The following CRISPLD2 variants were observed in gnomAD, a reference collection of about 807,000 sequenced individuals.
CRISPLD2 encodes cysteine rich secretory protein LCCL domain containing 2, also known as cysteine-rich secretory protein LCCL domain-containing 2.
CRISPLD2 carries 47 observed loss-of-function variants against 71.1 expected under a neutral mutation model. The observed-to-expected ratio is 0.66, with a 90% CI of 0.52 to 0.84. CRISPLD2 has a LOEUF of 0.84. Ranked by LOEUF, CRISPLD2 falls within the 40% of genes least tolerant of loss-of-function variation. The pLI is 0.00. For missense variants in CRISPLD2, 830 were observed against 651.1 expected (o/e 1.27, Z -2.99); for synonymous variants, 317 against 250.1 (o/e 1.27, Z -2.52).
intron 11 of CRISPLD2, among the ~76,000 whole-genome samples, chr16:84,875,459 G>C (rs1272254818): frequency 7.8e-6 from 1 of 129,006 alleles, no homozygotes; most frequent in Non-Finnish European, 1.6e-5. Context: ...GCTATCATTA[G>C]TGTTAGTATA....
chr16:84,873,009 C>T lies in CRISPLD2; in HGVS notation c.999C>T (p.Arg333=), dbSNP rs376122777. ...LFYESSSSIC[R]AAIHYGILDD... ...CCCGCCAGTCGTCTAGCATATGCCGCGCCGCCATCCACTACGGGATCCTGG... is the reference window on the plus strand; with the variant it reads ...CCCGCCAGTCGTCTAGCATATGCCGTGCCGCCATCCACTACGGGATCCTGG... Residue 333 remains arginine, a synonymous_variant, in exon 10 of 15, where the codon CGC becomes CGT. Transcript: ENST00000262424. The T allele has an allele frequency of 9.3e-6, 15 of 1,613,190 alleles. No homozygotes were observed. The highest frequency in any genetic ancestry group is 2.2e-5 in the South Asian group (2 of 90,934).
chr16:84,865,478 A>T (rs1161594619), intron 6 of CRISPLD2, among the ~76,000 whole-genome samples: 2 of 152,224 alleles, frequency 1.3e-5, no homozygotes, highest in African/African-American at 4.8e-5. Flanking sequence ...TTTTAATCCA[A>T]AACCACAAAG....
chr16:84,856,571 T>G (rs989598083), intron 6 of CRISPLD2, among the ~76,000 whole-genome samples: 1 of 151,888 alleles, frequency 6.6e-6, no homozygotes, highest in Non-Finnish European at 1.5e-5. Context: ...TGAGGGTGAG[T>G]GATGCCATTT....
intron 10 of CRISPLD2, chr16:84,873,325 A>G: frequency 6.8e-6 from 3 of 441,428 alleles, no homozygotes; most frequent in South Asian, 2.8e-5. Context: ...TAAAAATACA[A>G]AAGTTAGCCA....
chr16:84,869,920 G>C (rs933270504), intron 8 of CRISPLD2, among the ~76,000 whole-genome samples: 1 of 151,896 alleles, frequency 6.6e-6, no homozygotes, highest in Non-Finnish European at 1.5e-5. Flanking sequence ...CATCGAGGCA[G>C]TTCCAGAGTT....
chr16:84,869,979 A>G (rs1009853131), intron 8 of CRISPLD2, among the ~76,000 whole-genome samples: 35 of 152,228 alleles, frequency 2.3e-4, no homozygotes. Flanking sequence ...GAATCTGTCC[A>G]CACAAAGGCT....
In CRISPLD2 at chr16:84,907,740, T is replaced by G. The variant is rs929982160; in HGVS notation, c.*1098T>G. 6.6e-6 allele frequency: 1 copy of G among 152,232 alleles called. No homozygotes were observed. Among genetic ancestry groups the G allele is most frequent in the African/African-American group, 2.4e-5 (1 of 41,440 alleles). The allele number at this position is 152,232 out of a possible 1,614,324, so 9.4% of individuals were successfully genotyped here. ...TTCCTCACCGAGGTTAGCAGCTCAG[T>G]TTGTGGTTATGAAACCGTCTGTGGC... is the stretch of plus-strand genomic sequence containing the variant. On this transcript the variant is annotated 3_prime_UTR_variant, in exon 15 of 15. Transcript: ENST00000262424.
intron 14 of CRISPLD2, among the ~76,000 whole-genome samples, chr16:84,901,468 C>CTTTT (rs564314509): frequency 8.4e-6 from 1 of 119,076 alleles, no homozygotes; most frequent in African/African-American, 3.2e-5. Flanking sequence ...CCTGGCTGCA[C>CTTTT]TTTTTTTTTT....
At chr16:84,826,171 G>A (rs1041796951) in intron 1 of CRISPLD2, among the ~76,000 whole-genome samples, 15 of 152,204 alleles carry the variant, frequency 9.9e-5, no homozygotes, top group African/African-American at 3.1e-4. Context: ...TGGGGTCAGC[G>A]TGGAGCTGTG....
rs201126463 is a variant in CRISPLD2, at chr16:84,849,538, G to A, written c.492+21G>A. ...CACAGGTAACTCGGGGACTTGCCAC[G>A]ACCTCAGCCCTGCCCCCCAATCCCA... On this transcript the variant is annotated intron_variant, in intron 4 of 14. Coordinates refer to ENST00000262424, the MANE Select transcript of CRISPLD2 (RefSeq NM_031476.4). The A allele has an allele frequency of 3.7e-4, 592 of 1,611,472 alleles. No individual in the cohort carries two copies. The Middle Eastern group carries it at 5.4e-3, about 15-fold the overall frequency.
intron 14 of CRISPLD2, among the ~76,000 whole-genome samples, chr16:84,897,829 C>G (rs1217199754): frequency 1.3e-5 from 2 of 152,226 alleles, no homozygotes; most frequent in Non-Finnish European, 2.9e-5. Flanking sequence ...GTTGGCCAGG[C>G]TGGTCTCGAA....
At chr16:84,855,507 C>G (rs1463082923) in intron 6 of CRISPLD2, among the ~76,000 whole-genome samples, 1 of 152,056 alleles carries the variant, frequency 6.6e-6, no homozygotes, top group Non-Finnish European at 1.5e-5. Flanking sequence ...ATTTTTCTGC[C>G]TGCTTTATAT....
At chr16:84,853,120 C>T (rs1159262711) in intron 5 of CRISPLD2, among the ~76,000 whole-genome samples, 2 of 152,148 alleles carry the variant, frequency 1.3e-5, no homozygotes, top group East Asian at 1.9e-4. Flanking sequence ...CAGCCTTCCA[C>T]CAATGCCAAC....
In CRISPLD2 at chr16:84,906,958, A is replaced by G. The variant is rs558083691; in HGVS notation, c.*316A>G. 5 of 403,214 alleles carry G rather than the reference A, an allele frequency of 1.2e-5. No homozygotes were observed. The highest frequency in any genetic ancestry group is 5.2e-5 in the South Asian group (2 of 38,638). 25.0% of individuals were successfully genotyped at this position (403,214 alleles called of 1,614,324 possible). A position where few individuals can be genotyped will look rare whatever the true frequency, so the allele number is the denominator to read the frequency against. ...ACAGTTGCCCAAAATGTTCCTTGCT[A>G]TGTGTTCTTCTGTTGGTGGAGGAAG... On this transcript the variant is annotated 3_prime_UTR_variant, in exon 15 of 15. Coordinates refer to ENST00000262424, the MANE Select transcript of CRISPLD2 (RefSeq NM_031476.4).
At chr16:84,870,781 A>G (rs1293944426) in intron 8 of CRISPLD2, among the ~76,000 whole-genome samples, 2 of 151,900 alleles carry the variant, frequency 1.3e-5, no homozygotes, top group Admixed American at 6.6e-5. Flanking sequence ...AGTTGCGGCC[A>G]GGTACGGTGG....
At chr16:84,853,708 A>G (rs1049068262) in intron 5 of CRISPLD2, among the ~76,000 whole-genome samples, 1 of 152,210 alleles carries the variant, frequency 6.6e-6, no homozygotes, top group Admixed American at 6.5e-5. Context: ...CGTTCCCCGC[A>G]CAAGCCTGTG....
At chr16:84,880,129 A>T (rs574254183) in intron 12 of CRISPLD2, among the ~76,000 whole-genome samples, 1 of 152,272 alleles carries the variant, frequency 6.6e-6, no homozygotes, top group East Asian at 1.9e-4. Flanking sequence ...CCTTAGAAAA[A>T]GTCTCTTGAT....
At chr16:84,827,415 C>A (rs1178236578) in intron 1 of CRISPLD2, among the ~76,000 whole-genome samples, 1 of 152,140 alleles carries the variant, frequency 6.6e-6, no homozygotes, top group Non-Finnish European at 1.5e-5. Context: ...CAAGGCTGCT[C>A]ACCACCTGGC....
chr16:84,831,625 C>CA (rs1470148757), intron 1 of CRISPLD2, among the ~76,000 whole-genome samples: 1 of 151,688 alleles, frequency 6.6e-6, no homozygotes, highest in African/African-American at 2.4e-5. Flanking sequence ...AGGCTGGTCT[C>CA]AAACTCCTGA....
Sources: gnomAD v4.1 joint callset for allele counts (sites outside exome capture counted in the v4.1 genomes callset) on GRCh38, gnomAD v4.1.1 for gene constraint, MANE v1.5 for transcripts, NCBI Gene and HGNC (gene_info 2026-07-23, HGNC 2026-07-21) for gene names.